FRMPD2: variants seen among roughly 807,000 people sequenced by gnomAD.
The protein encoded by FRMPD2 is FERM and PDZ domain containing 2.
FRMPD2 carries 96 observed loss-of-function variants against 140.1 expected under a neutral mutation model. That is an observed-to-expected ratio of 0.69 (90% CI 0.58 to 0.81). The LOEUF is 0.81. Among genes scored for constraint, FRMPD2 ranks in the 40% least tolerant of loss-of-function variants. FRMPD2 has a pLI of 0.00. For missense variants in FRMPD2, 1,240 were observed against 1,447.4 expected (o/e 0.86, Z 2.32); for synonymous variants, 449 against 547.6 (o/e 0.82, Z 2.52).
chr10:48,237,829 T>G (rs1840005053), intron 8 of FRMPD2, among the ~76,000 whole-genome samples, 162 bp downstream of exon 8: 1 of 152,114 alleles, frequency 6.6e-6, no homozygotes, highest in Admixed American at 6.5e-5. Context: ...GCCTATGCCC[T>G]AAGTTGCAAA....
chr10:48,227,072 T>C (rs1374101121), intron 10 of FRMPD2, among the ~76,000 whole-genome samples: 1 of 151,508 alleles, frequency 6.6e-6, no homozygotes, highest in Non-Finnish European at 1.5e-5. Flanking sequence ...TTCCCAAATA[T>C]CTATGGATAG....
At chr10:48,264,396 A>G (rs972425143) in intron 1 of FRMPD2, among the ~76,000 whole-genome samples, 3 of 152,114 alleles carry the variant, frequency 2.0e-5, no homozygotes, top group African/African-American at 7.2e-5. Flanking sequence ...TGAACAAAAA[A>G]CCTCCTAAAA....
chr10:48,202,833 C>T (rs957214730), intron 14 of FRMPD2, among the ~76,000 whole-genome samples: 1 of 152,176 alleles, frequency 6.6e-6, no homozygotes, highest in African/African-American at 2.4e-5. Context: ...CAGGGTTTCG[C>T]TCTGTCACCC....
intron 12 of FRMPD2, among the ~76,000 whole-genome samples, chr10:48,221,962 G>A (rs111753627): frequency 1.5e-4 from 20 of 136,920 alleles, no homozygotes; most frequent in African/African-American, 4.9e-4. Context: ...GGGTGGGTGG[G>A]TGGATGGATG....
At chr10:48,272,711 G>A (rs566530446) in intron 1 of FRMPD2, among the ~76,000 whole-genome samples, 2 of 152,336 alleles carry the variant, frequency 1.3e-5, no homozygotes, top group South Asian at 4.1e-4. Context: ...AAATGTTCAT[G>A]CAGATTAAAC....
At chr10:48,266,997 A>G (rs148395937) in intron 1 of FRMPD2, among the ~76,000 whole-genome samples, 1 of 151,794 alleles carries the variant, frequency 6.6e-6, no homozygotes, top group Non-Finnish European at 1.5e-5. Context: ...CAAGGTTATC[A>G]AGAGAGACTG....
intron 1 of FRMPD2, among the ~76,000 whole-genome samples, chr10:48,256,616 G>T (rs1840495999): frequency 6.6e-6 from 1 of 151,538 alleles, no homozygotes; most frequent in Non-Finnish European, 1.5e-5. Flanking sequence ...TTGGACCAAG[G>T]TCTCAGAGGT....
At chr10:48,237,404 A>G (rs1440758815) in intron 8 of FRMPD2, among the ~76,000 whole-genome samples, 1 of 152,206 alleles carries the variant, frequency 6.6e-6, no homozygotes, top group African/African-American at 2.4e-5. Flanking sequence ...AGAAGGGCCA[A>G]GGAGGACAGT....
At chr10:48,228,177 A>G (rs1198768900) in intron 10 of FRMPD2, among the ~76,000 whole-genome samples, 1 of 152,128 alleles carries the variant, frequency 6.6e-6, no homozygotes, top group African/African-American at 2.4e-5. Context: ...ACGTAAGATA[A>G]TGACTACATT....
chr10:48,232,057 A>G, intron 10 of FRMPD2, 58 bp downstream of exon 10: 1 of 1,512,768 alleles, frequency 6.6e-7, no homozygotes. Context: ...TCAGGTACCC[A>G]GATACCTGGG....
At chr10:48,257,421 A>G (rs902294151) in intron 1 of FRMPD2, among the ~76,000 whole-genome samples, 2 of 151,854 alleles carry the variant, frequency 1.3e-5, no homozygotes, top group Non-Finnish European at 2.9e-5. Context: ...CTGGGATTAC[A>G]GGCTCCCACC....
chr10:48,267,202 A>C (rs1840693460), intron 1 of FRMPD2, among the ~76,000 whole-genome samples: 2 of 152,188 alleles, frequency 1.3e-5, no homozygotes, highest in Non-Finnish European at 2.9e-5. Context: ...CAACTTGAGT[A>C]AAAAAGACAA....
chr10:48,259,504 C>T (rs117394627), intron 1 of FRMPD2, among the ~76,000 whole-genome samples: 10 of 152,150 alleles, frequency 6.6e-5, no homozygotes, highest in East Asian at 3.9e-4. Flanking sequence ...AAGTATTATG[C>T]GCTATTAATC....
chr10:48,237,991 C>T lies in FRMPD2; in HGVS notation c.921G>A (p.Lys307=). 6.2e-7 allele frequency: 1 copy of T among 1,614,166 alleles called. No homozygotes were observed. The highest frequency in any genetic ancestry group is 8.5e-7 in the Non-Finnish European group (1 of 1,180,026). ...SQRGFLQRRS[K]FSRPEFILLA... is the part of the protein sequence containing the mutation. The stretch of plus-strand genomic sequence containing the variant: ...TGTCCTTCAGCCTTATTTTGCTTAC[C>T]TTGCTCCTTCTTTGCAGAAAACCCC... Residue 307 remains lysine, a splice_region_variant and synonymous_variant, in exon 8 of 29, where the codon AAG becomes AAA. Transcript: ENST00000374201.
intron 16 of FRMPD2, among the ~76,000 whole-genome samples, chr10:48,188,105 G>A (rs1455672439): frequency 6.6e-6 from 1 of 152,182 alleles, no homozygotes; most frequent in Non-Finnish European, 1.5e-5. Context: ...GGGACTCCTG[G>A]ACAGCCAAAC....
At position 48,192,832 on chromosome 10, in the gene FRMPD2, G is replaced by A. The variant is rs766819950; in HGVS notation, c.2017C>T (p.Leu673Phe). 2 of 1,614,160 alleles carry A rather than the reference G, an allele frequency of 1.2e-6. No individual in the cohort carries two copies. Among genetic ancestry groups the A allele is most frequent in the Non-Finnish European group, 1.7e-6 (2 of 1,180,020 alleles). ...SPAHQARSKP[L>F]IWIQRLSCSE... ...CATGACAATCTCTGAATCCAAATGA[G>A]AGGCTTAGACCGGGCCTGGTGTGCA... The change falls in exon 16 of 29, where the codon CTC becomes TTC. Residue 673 changes from leucine to phenylalanine, a missense_variant. Physicochemically the swap from Leu to Phe is conservative, Grantham distance 22 (BLOSUM62 0). Around this residue, in one of 6 missense-constraint regions of FRMPD2, gnomAD observed 1,161 missense variants for 1,055.9 expected, o/e 1.10. Coordinates refer to ENST00000374201, the MANE Select transcript of FRMPD2 (RefSeq NM_001018071.4).
At position 48,240,506 on chromosome 10, in the gene FRMPD2, G is replaced by A. The variant is rs765440995; in HGVS notation, c.568-14C>T. The A allele has an allele frequency of 1.0e-4, 163 of 1,613,266 alleles. No individual in the cohort carries two copies. The highest frequency in any genetic ancestry group is 1.6e-4 in the Middle Eastern group (1 of 6,084). Reference sequence around the variant, plus strand: ...TCTTTTCTCCACCTGGGGGTCAAGTGCATCACACATCCACATCCCAAGATA... The same window carrying A: ...TCTTTTCTCCACCTGGGGGTCAAGTACATCACACATCCACATCCCAAGATA... On this transcript the variant is annotated splice_polypyrimidine_tract_variant and intron_variant, in intron 5 of 28. Transcript: ENST00000374201.
intron 21 of FRMPD2, among the ~76,000 whole-genome samples, chr10:48,179,071 T>C (rs1328980257): frequency 6.8e-6 from 1 of 145,996 alleles, no homozygotes; most frequent in Non-Finnish European, 1.5e-5. Flanking sequence ...CTACTATCGT[T>C]GTTCTTCCAC....
intron 28 of FRMPD2, among the ~76,000 whole-genome samples, chr10:48,160,211 T>C (rs1472174861): frequency 2.0e-5 from 3 of 151,610 alleles, no homozygotes; most frequent in Non-Finnish European, 4.4e-5. Flanking sequence ...TACTGCTTTA[T>C]TACAAGATAT....
Sources: allele counts gnomAD v4.1 joint callset (sites outside exome capture counted in the v4.1 genomes callset), GRCh38; gene constraint gnomAD v4.1.1; regional missense constraint gnomAD v4.1.1; transcripts MANE v1.5; gene names NCBI Gene and HGNC (gene_info 2026-07-23, HGNC 2026-07-21).